SHISA9: variants seen among roughly 807,000 people sequenced by gnomAD.
The protein encoded by SHISA9 is shisa family member 9, also known as protein shisa-9.
In SHISA9, 13 loss-of-function variants were observed where a neutral mutation model predicts 38.0. That is an observed-to-expected ratio of 0.34 (90% CI 0.22 to 0.54). The LOEUF is 0.54. SHISA9 is among the 20% of genes least tolerant of loss of function. The pLI is 0.91. For synonymous variants in SHISA9, 275 were observed against 242.0 expected (o/e 1.14, Z -1.27); for missense variants, 538 against 575.8 (o/e 0.93, Z 0.67).
chr16:13,444,055 A>G, the SHISA9 span, among the ~76,000 whole-genome samples: 1 of 150,972 alleles, frequency 6.6e-6, no homozygotes, highest in African/African-American at 2.4e-5. Flanking sequence ...CCCCTTCACC[A>G]AGACTGGTTT....
At chr16:13,044,406 G>C (rs1388458599) in intron 2 of SHISA9, among the ~76,000 whole-genome samples, 1 of 152,114 alleles carries the variant, frequency 6.6e-6, no homozygotes, top group African/African-American at 2.4e-5. Flanking sequence ...TCTGAACCTC[G>C]GTTTCTCATC....
At chr16:13,179,079 G>T (rs2050756109) in intron 2 of SHISA9, among the ~76,000 whole-genome samples, 1 of 152,134 alleles carries the variant, frequency 6.6e-6, no homozygotes, top group Admixed American at 6.5e-5. Context: ...CCAGCATTTT[G>T]GGAGGCCGAC....
At chr16:13,358,065 T>G in the SHISA9 span, among the ~76,000 whole-genome samples, 9 of 152,142 alleles carry the variant, frequency 5.9e-5, no homozygotes, top group Non-Finnish European at 1.2e-4. Flanking sequence ...CCTGACAGTA[T>G]GCCTCTGTGA....
the SHISA9 span, among the ~76,000 whole-genome samples, chr16:13,469,201 C>A: frequency 7.8e-3 from 1,158 of 148,920 alleles, 12 homozygotes; most frequent in African/African-American, 0.027. Flanking sequence ...GAGATCATGC[C>A]ACTGCACTCC....
intron 2 of SHISA9, among the ~76,000 whole-genome samples, chr16:13,061,805 G>A (rs2073379071): frequency 6.6e-6 from 1 of 152,184 alleles, no homozygotes; most frequent in Non-Finnish European, 1.5e-5. Flanking sequence ...GGGATACGAA[G>A]TGATGGGTTG....
intron 4 of SHISA9, among the ~76,000 whole-genome samples, chr16:13,215,914 C>T (rs911370310): frequency 4.6e-5 from 7 of 152,090 alleles, no homozygotes; most frequent in Admixed American, 6.6e-5. Context: ...AGGCTGGGTG[C>T]GGTGTCTCAC....
At chr16:13,040,847 G>C (rs556340981) in intron 2 of SHISA9, among the ~76,000 whole-genome samples, 1 of 152,186 alleles carries the variant, frequency 6.6e-6, no homozygotes, top group East Asian at 1.9e-4. Context: ...AACATTGTTT[G>C]TTTTAAGTTG....
At chr16:13,008,604 TTCTC>T (rs902569396) in intron 2 of SHISA9, among the ~76,000 whole-genome samples, 1 of 148,352 alleles carries the variant, frequency 6.7e-6, no homozygotes, top group Non-Finnish European at 1.5e-5. Context: ...TCCCCCTTTT[TTCTC>T]TCTCTCTCTC....
the SHISA9 span, among the ~76,000 whole-genome samples, chr16:13,386,409 G>A: frequency 3.3e-5 from 5 of 152,092 alleles, no homozygotes; most frequent in African/African-American, 9.7e-5. Flanking sequence ...ATGGCCCTTT[G>A]AATTCAGACA....
chr16:13,253,609 G>A, the SHISA9 span, among the ~76,000 whole-genome samples: 5 of 152,240 alleles, frequency 3.3e-5, no homozygotes, highest in South Asian at 2.1e-4. Flanking sequence ...ATCAGATCTC[G>A]TGAGACTTAT....
the SHISA9 span, among the ~76,000 whole-genome samples, chr16:13,546,527 A>G: frequency 6.6e-6 from 1 of 152,210 alleles, no homozygotes; most frequent in South Asian, 2.1e-4. Context: ...ATCAATAGTA[A>G]CATTAAATGT....
chr16:13,393,108 C>A, the SHISA9 span, among the ~76,000 whole-genome samples: 2 of 152,214 alleles, frequency 1.3e-5, no homozygotes, highest in Non-Finnish European at 2.9e-5. Flanking sequence ...CTGAACCAAT[C>A]AGCTGGCCCC....
intron 1 of SHISA9, among the ~76,000 whole-genome samples, chr16:12,915,261 A>G (rs976741609): frequency 6.6e-6 from 1 of 152,022 alleles, no homozygotes; most frequent in African/African-American, 2.4e-5. Context: ...AGGAGTTTGA[A>G]ACCAGCCTGG....
the SHISA9 span, among the ~76,000 whole-genome samples, chr16:13,270,312 G>A: frequency 6.6e-6 from 1 of 152,202 alleles, no homozygotes; most frequent in East Asian, 1.9e-4. Flanking sequence ...GGAGTTGGGG[G>A]CGAGGGGCAG....
chr16:13,134,782 C>G (rs906568138), intron 2 of SHISA9, among the ~76,000 whole-genome samples: 1 of 152,126 alleles, frequency 6.6e-6, no homozygotes, highest in Non-Finnish European at 1.5e-5. Flanking sequence ...TGAAACAACA[C>G]AAGCCTATAT....
chr16:13,517,553 T>A, the SHISA9 span, among the ~76,000 whole-genome samples: 1 of 152,222 alleles, frequency 6.6e-6, no homozygotes, highest in Non-Finnish European at 1.5e-5. Context: ...GTTAATTCAG[T>A]ATGATCCAAT....
intron 2 of SHISA9, among the ~76,000 whole-genome samples, chr16:12,936,852 G>C (rs2071540922): frequency 1.3e-5 from 2 of 152,084 alleles, no homozygotes; most frequent in Admixed American, 6.6e-5. Flanking sequence ...GCTCCTGCTT[G>C]TTTACAGATT....
At chr16:13,070,316 C>T (rs886626628) in intron 2 of SHISA9, among the ~76,000 whole-genome samples, 1 of 152,170 alleles carries the variant, frequency 6.6e-6, no homozygotes, top group Non-Finnish European at 1.5e-5. Context: ...TTCTCTCCTC[C>T]TTCCGTATGC....
the SHISA9 span, among the ~76,000 whole-genome samples, chr16:13,456,876 T>A: frequency 2.6e-5 from 4 of 151,820 alleles, no homozygotes; most frequent in African/African-American, 9.7e-5. Context: ...GCCAGGAAAG[T>A]AACACCATCC....
Sources: gnomAD v4.1 joint callset for allele counts (sites outside exome capture counted in the v4.1 genomes callset) on GRCh38, gnomAD v4.1.1 for gene constraint, MANE v1.5 for transcripts, NCBI Gene and HGNC (gene_info 2026-07-23, HGNC 2026-07-21) for gene names.